The following PDXP variants were observed in gnomAD, a reference collection of about 807,000 sequenced individuals.
The protein encoded by PDXP is pyridoxal phosphatase.
A neutral mutation model predicts 14.4 loss-of-function variants in PDXP; 15 were observed. The observed-to-expected ratio is 1.04, with a 90% confidence interval of 0.70 to 1.60. PDXP has a LOEUF of 1.60. Ranked by LOEUF, PDXP falls within the 40% of genes most tolerant of loss-of-function variation. The pLI is 0.00. For missense variants in PDXP, 413 were observed against 427.6 expected, an observed-to-expected ratio of 0.97 and a Z score of 0.30; for synonymous variants, 233 against 205.6, an observed-to-expected ratio of 1.13 and a Z score of -1.14.
Position 37,658,746 on chromosome 22 carries a change from AG to A in PDXP, c.-36del. 9.1e-7 allele frequency: 1 copy of A among 1,104,344 alleles called. No individual in the cohort carries two copies. Among genetic ancestry groups the A allele is most frequent in the Non-Finnish European group, 1.1e-6 (1 of 895,180 alleles). 68.4% of individuals were successfully genotyped at this position (1,104,344 alleles called of 1,614,324 possible). On this transcript the variant is annotated 5_prime_UTR_variant, in exon 1 of 2. Coordinates refer to ENST00000215904, the MANE Select transcript of PDXP (RefSeq NM_020315.5). Reference sequence around the variant, plus strand: ...GGGAGAGCGCGCCGTGCCCGCGGAGAGAGCGCGGCGCGGGAGGCCGGCGGCC... The same window carrying A: ...GGGAGAGCGCGCCGTGCCCGCGGAGAAGCGCGGCGCGGGAGGCCGGCGGCC...
intron 1 of PDXP, among the ~76,000 whole-genome samples, chr22:37,661,020 A>C (rs1022589474): frequency 6.6e-6 from 1 of 152,186 alleles, no homozygotes; most frequent in Admixed American, 6.5e-5. Context: ...CAGCGGCAGC[A>C]GCTCCTGCCT....
intron 1 of PDXP, among the ~76,000 whole-genome samples, chr22:37,661,332 GTGTGGTGTGGTGTGGTGTGTGT>G (rs1462401108): frequency 1.6e-4 from 13 of 80,836 alleles, no homozygotes; most frequent in Admixed American, 6.5e-4. Context: ...CTTTCAAACA[GTGTGGTGTGGTGTGGTGTGTGT>G]GTGTGGTGTG....
In PDXP at chr22:37,666,131, T is replaced by G; in HGVS notation, c.*260T>G. The G allele has an allele frequency of 1.8e-6, 1 of 547,974 alleles. No homozygotes were observed. Among genetic ancestry groups the G allele is most frequent in the Non-Finnish European group, 3.3e-6 (1 of 298,702 alleles). 33.9% of individuals were successfully genotyped at this position (547,974 alleles called of 1,614,324 possible). On this transcript the variant is annotated 3_prime_UTR_variant, in exon 2 of 2. Transcript: ENST00000215904. ...CAGCCAGGTGGCCTTATTTCTTCCC[T>G]GTCACCTCCCCTCCTTGAAATCTGG...
Position 37,658,806 on chromosome 22 carries a change from C to G in PDXP, c.24C>G (p.Arg8=). 1 of 1,180,130 alleles carries G rather than the reference C, an allele frequency of 8.5e-7. No individual in the cohort carries two copies. The highest frequency in any genetic ancestry group is 4.2e-5 in the South Asian group (1 of 23,974). 73.1% of individuals were successfully genotyped at this position (1,180,130 alleles called of 1,614,324 possible). A position where few individuals can be genotyped will look rare whatever the true frequency, so the allele number is the denominator to read the frequency against. Residue 8 remains arginine (R), a synonymous_variant, in exon 1 of 2, where the codon CGC becomes CGG. Coordinates refer to ENST00000215904, the MANE Select transcript of PDXP (RefSeq NM_020315.5). Reference sequence around the variant, plus strand: ...GCATGGCGCGCTGCGAGAGGCTGCGCGGAGCGGCCCTGCGCGACGTGCTGG... The same window carrying G: ...GCATGGCGCGCTGCGAGAGGCTGCGGGGAGCGGCCCTGCGCGACGTGCTGG... MARCERL[R]GAALRDVLGR...
At position 37,665,630 on chromosome 22, in the gene PDXP, A is replaced by G. The variant is rs142028345; in HGVS notation, c.650A>G (p.Tyr217Cys). ...QALVVGKPSP[Y>C]MFECITENFS... is the part of the protein sequence containing the mutation. ...CTGGTGGTGGGCAAGCCCAGCCCCT[A>G]CATGTTCGAGTGCATCACGGAGAAC... Residue 217 changes from tyrosine (Y) to cysteine (C), a missense_variant, in exon 2 of 2, where the codon TAC becomes TGC. Transcript: ENST00000215904. 7.4e-6 allele frequency: 12 copies of G among 1,613,808 alleles called. No individual in the cohort carries two copies. In the African/African-American group the frequency reaches 1.1e-4, roughly 14 times the overall value.
chr22:37,661,817 A>C (rs1344797068), intron 1 of PDXP, among the ~76,000 whole-genome samples: 1 of 151,880 alleles, frequency 6.6e-6, no homozygotes, highest in African/African-American at 2.4e-5. Flanking sequence ...TCTTGAGCTC[A>C]GAAGAACATT....
At chr22:37,663,303 CAAA>C (rs556575793) in intron 1 of PDXP, among the ~76,000 whole-genome samples, 1 of 110,784 alleles carries the variant, frequency 9.0e-6, no homozygotes, top group Admixed American at 9.4e-5. Flanking sequence ...GACTCCGTCT[CAAA>C]AAAAAAAAAA....
At chr22:37,664,579 C>T (rs1331297802) in intron 1 of PDXP, among the ~76,000 whole-genome samples, 1 of 152,222 alleles carries the variant, frequency 6.6e-6, no homozygotes, top group African/African-American at 2.4e-5. Context: ...TTGGCATTCT[C>T]ATCTGTAAAA....
In PDXP at chr22:37,658,769, G is replaced by C; in HGVS notation, c.-14G>C. ...AGAGAGCGCGGCGCGGGAGGCCGGC[G>C]GCCGGCCGGCTGCATGGCGCGCTGC... On this transcript the variant is annotated 5_prime_UTR_variant, in exon 1 of 2. Coordinates refer to ENST00000215904, the MANE Select transcript of PDXP (RefSeq NM_020315.5). 1 of 1,161,584 alleles carries C rather than the reference G, an allele frequency of 8.6e-7. No individual in the cohort carries two copies. Among genetic ancestry groups the C allele is most frequent in the Non-Finnish European group, 1.1e-6 (1 of 942,706 alleles). 72.0% of individuals were successfully genotyped at this position (1,161,584 alleles called of 1,614,324 possible).
At position 37,658,839 on chromosome 22, in the gene PDXP, G is replaced by A; in HGVS notation, c.57G>A (p.Ala19=). ...CCCTGCGCGACGTGCTGGGCCGGGCGCAGGGGGTCCTGTTCGACTGTGACG... is the reference window on the plus strand; with the variant it reads ...CCCTGCGCGACGTGCTGGGCCGGGCACAGGGGGTCCTGTTCGACTGTGACG... ...GAALRDVLGR[A]QGVLFDCDGV... Residue 19 remains alanine (A), a synonymous_variant, in exon 1 of 2, where the codon GCG becomes GCA. Transcript: ENST00000215904. 8.3e-7 allele frequency: 1 copy of A among 1,198,318 alleles called. No individual in the cohort carries two copies. The highest frequency in any genetic ancestry group is 1.0e-6 in the Non-Finnish European group (1 of 965,718). The allele number at this position is 1,198,318 out of a possible 1,614,324, so 74.2% of individuals were successfully genotyped here.
At position 37,659,001 on chromosome 22, in the gene PDXP, G is replaced by A. The variant is rs759312095; in HGVS notation, c.219G>A (p.Ala73=). The A allele has an allele frequency of 2.8e-5, 33 of 1,197,148 alleles. No homozygotes were observed. The South Asian group carries it at 3.8e-4, about 14-fold the overall frequency. 74.2% of individuals were successfully genotyped at this position (1,197,148 alleles called of 1,614,324 possible). The change falls in exon 1 of 2, where the codon GCG becomes GCA. Residue 73 remains alanine (A), a synonymous_variant. Transcript: ENST00000215904. ...GGCCCGAGCTGGCCCTGCGCTTCGC[G>A]CGCCTCGGCTTCGGGGGGCTGCGCG... ...RARPELALRF[A]RLGFGGLRAE...
chr22:37,662,022 A>T (rs1201610674), intron 1 of PDXP, among the ~76,000 whole-genome samples: 1 of 137,272 alleles, frequency 7.3e-6, no homozygotes, highest in Admixed American at 7.8e-5. Flanking sequence ...GCTCACTGCA[A>T]CCTCTGCCTC....
chr22:37,666,649 C>G lies in PDXP; in HGVS notation c.*778C>G, dbSNP rs940299249. 3 of 167,114 alleles carry G rather than the reference C, an allele frequency of 1.8e-5. No individual in the cohort carries two copies. Among genetic ancestry groups the G allele is most frequent in the African/African-American group, 7.2e-5 (3 of 41,448 alleles). 10.4% of individuals were successfully genotyped at this position (167,114 alleles called of 1,614,324 possible). A position where few individuals can be genotyped will look rare whatever the true frequency, so the allele number is the denominator to read the frequency against. On this transcript the variant is annotated 3_prime_UTR_variant, in exon 2 of 2. Coordinates refer to ENST00000215904, the MANE Select transcript of PDXP (RefSeq NM_020315.5). ...GGTCCACGTCCTAAAGACACCTCTC[C>G]TTTACAAAGACTTGTGATGCTCTGG...
In PDXP at chr22:37,665,713, C is replaced by G. The variant is rs765231715; in HGVS notation, c.733C>G (p.Leu245Val). 6.2e-7 allele frequency: 1 copy of G among 1,614,170 alleles called. No homozygotes were observed. Among genetic ancestry groups the G allele is most frequent in the Non-Finnish European group, 8.5e-7 (1 of 1,180,026 alleles). The change falls in exon 2 of 2, where the codon CTC (leucine) becomes GTC (valine). Residue 245 changes from leucine to valine, a missense_variant. By Grantham distance (32) the Leu-to-Val change is conservative. Coordinates refer to ENST00000215904, the MANE Select transcript of PDXP (RefSeq NM_020315.5). ...MVGDRLETDI[L>V]FGHRCGMTTV... is the part of the protein sequence containing the mutation. Reference sequence around the variant, plus strand: ...GGGTGACCGCCTGGAGACCGACATCCTCTTTGGCCACCGCTGCGGCATGAC... The same window carrying G: ...GGGTGACCGCCTGGAGACCGACATCGTCTTTGGCCACCGCTGCGGCATGAC...
Position 37,658,967 on chromosome 22 carries a change from GGC to G in PDXP, c.193_194del (p.Arg65AlafsTer114), listed in dbSNP as rs1322824311. The G allele has an allele frequency of 4.2e-6, 5 of 1,204,286 alleles. No homozygotes were observed. The highest frequency in any genetic ancestry group is 4.5e-5 in the Admixed American group (1 of 22,246). 74.6% of individuals were successfully genotyped at this position (1,204,286 alleles called of 1,614,324 possible). A position where few individuals can be genotyped will look rare whatever the true frequency, so the allele number is the denominator to read the frequency against. On this transcript the variant is annotated frameshift_variant, in exon 1 of 2. Coordinates refer to ENST00000215904, the MANE Select transcript of PDXP (RefSeq NM_020315.5). LOFTEE classifies it high-confidence loss of function. ...GCTCTGTTTGTGAGCAACAACAGCC[GGC>G]GCGCGCGGCCCGAGCTGGCCCTGCG...
At chr22:37,664,974 C>G (rs1332014842) in intron 1 of PDXP, 1 of 156,734 alleles carries the variant, frequency 6.4e-6, no homozygotes, top group African/African-American at 2.4e-5. Flanking sequence ...CCGCTGTGTT[C>G]CAAAGGGGCT....
intron 1 of PDXP, among the ~76,000 whole-genome samples, chr22:37,659,909 G>A (rs1054346650): frequency 6.6e-6 from 1 of 152,210 alleles, no homozygotes; most frequent in African/African-American, 2.4e-5. Flanking sequence ...GATGATGTAA[G>A]TTGTAGCCAG....
intron 1 of PDXP, 146 bp downstream of exon 1, chr22:37,659,502 T>G: frequency 2.0e-6 from 1 of 511,686 alleles, no homozygotes. Context: ...TGCTTTGGTG[T>G]GGGGGGCGGT....
intron 1 of PDXP, among the ~76,000 whole-genome samples, chr22:37,661,853 T>A (rs1162740146): frequency 6.6e-6 from 1 of 151,848 alleles, no homozygotes; most frequent in Non-Finnish European, 1.5e-5. Flanking sequence ...GGAAGCCCTT[T>A]CTGTCCCAGA....
Sources: allele counts gnomAD v4.1 joint callset (sites outside exome capture counted in the v4.1 genomes callset), GRCh38; gene constraint gnomAD v4.1.1; transcripts MANE v1.5; gene names NCBI Gene and HGNC (gene_info 2026-07-23, HGNC 2026-07-21).